NXPH2: variants seen among roughly 807,000 people sequenced by gnomAD.
NXPH2 encodes neurexophilin-2.
NXPH2 carries 5 observed loss-of-function variants against 19.8 expected under a neutral mutation model. The ratio of observed to expected loss-of-function variants is 0.25; its 90% CI spans 0.13 to 0.53. The LOEUF (loss-of-function observed/expected upper bound fraction) is 0.53, where lower values mean the gene tolerates loss of function less well. Ranked by LOEUF, NXPH2 falls within the 20% of genes least tolerant of loss-of-function variation. The pLI, the probability that NXPH2 is intolerant of heterozygous loss-of-function variation, is 0.96. For missense variants in NXPH2, 289 were observed against 322.8 expected, an observed-to-expected ratio of 0.90 and a Z score of 0.80; for synonymous variants, 154 against 127.4, an observed-to-expected ratio of 1.21 and a Z score of -1.41.
intron 1 of NXPH2, among the ~76,000 whole-genome samples, chr2:138,737,845 A>G (rs1030911346): frequency 2.0e-5 from 3 of 152,174 alleles, no homozygotes; most frequent in African/African-American, 7.2e-5. Flanking sequence ...GTCTTACTAT[A>G]TGGTAAATAC....
intron 1 of NXPH2, among the ~76,000 whole-genome samples, chr2:138,745,505 GGTGT>G (rs1304051851): frequency 3.7e-4 from 43 of 116,684 alleles, no homozygotes; most frequent in African/African-American, 1.4e-3. Flanking sequence ...GGGGGGGGGG[GGTGT>G]TGTTTGCATG....
chr2:138,672,630 G>A (rs1338874450), intron 1 of NXPH2, among the ~76,000 whole-genome samples: 2 of 152,118 alleles, frequency 1.3e-5, no homozygotes, highest in Non-Finnish European at 2.9e-5. Context: ...GAAAATAGAG[G>A]TTTCTAGTGG....
At chr2:138,777,356 G>A (rs1682280811) in intron 1 of NXPH2, among the ~76,000 whole-genome samples, 1 of 151,984 alleles carries the variant, frequency 6.6e-6, no homozygotes, top group Admixed American at 6.6e-5. Flanking sequence ...GTTCAAGATG[G>A]ATATTTAAAT....
chr2:138,739,739 C>T (rs11680550), intron 1 of NXPH2, among the ~76,000 whole-genome samples: 52,428 of 152,012 alleles, frequency 0.34, 10,978 homozygotes, highest in Non-Finnish European at 0.48. Flanking sequence ...AAGCTTAACC[C>T]AGCAATAGTG....
chr2:138,723,035 A>G (rs1278733395), intron 1 of NXPH2, among the ~76,000 whole-genome samples: 3 of 152,216 alleles, frequency 2.0e-5, no homozygotes, highest in African/African-American at 7.2e-5. Context: ...ACATTATTTT[A>G]TATCTATTGC....
intron 1 of NXPH2, among the ~76,000 whole-genome samples, chr2:138,678,744 G>A (rs184166815): frequency 1.0e-3 from 153 of 152,260 alleles, no homozygotes; most frequent in African/African-American, 3.7e-3. Context: ...CTTATTCTAT[G>A]AATATCTTAT....
chr2:138,758,567 C>T (rs1389455547), intron 1 of NXPH2, among the ~76,000 whole-genome samples: 3 of 152,146 alleles, frequency 2.0e-5, no homozygotes, highest in East Asian at 3.8e-4. Context: ...CCTCATGTCT[C>T]CACCTGCTCC....
chr2:138,771,571 C>T (rs1682177253), intron 1 of NXPH2, among the ~76,000 whole-genome samples: 1 of 152,070 alleles, frequency 6.6e-6, no homozygotes, highest in African/African-American at 2.4e-5. Context: ...AAAACAGAAG[C>T]ACTTCCGGGG....
At chr2:138,766,469 C>T (rs968396681) in intron 1 of NXPH2, among the ~76,000 whole-genome samples, 10 of 152,160 alleles carry the variant, frequency 6.6e-5, no homozygotes, top group African/African-American at 1.9e-4. Context: ...GAAGGTGCTA[C>T]TCGCATCTGG....
intron 1 of NXPH2, among the ~76,000 whole-genome samples, chr2:138,695,892 A>G (rs571471909): frequency 6.6e-6 from 1 of 152,272 alleles, no homozygotes; most frequent in South Asian, 2.1e-4. Flanking sequence ...GCTCACACTT[A>G]TAATCCTCCA....
chr2:138,700,989 C>G (rs147550871), intron 1 of NXPH2, among the ~76,000 whole-genome samples: 1 of 151,898 alleles, frequency 6.6e-6, no homozygotes, highest in Non-Finnish European at 1.5e-5. Flanking sequence ...TTAAGAAAAG[C>G]GACAAAGGCA....
At chr2:138,751,516 G>A (rs1433233874) in intron 1 of NXPH2, among the ~76,000 whole-genome samples, 1 of 152,076 alleles carries the variant, frequency 6.6e-6, no homozygotes, top group Non-Finnish European at 1.5e-5. Flanking sequence ...CATATTGGCT[G>A]TGAAACTATT....
chr2:138,712,623 A>T (rs992919135), intron 1 of NXPH2, among the ~76,000 whole-genome samples: 3 of 152,164 alleles, frequency 2.0e-5, no homozygotes, highest in Non-Finnish European at 4.4e-5. Context: ...AATATGTCTA[A>T]GTATACCTGC....
intron 1 of NXPH2, among the ~76,000 whole-genome samples, chr2:138,751,466 T>C (rs1681829060): frequency 1.3e-5 from 2 of 152,212 alleles, no homozygotes; most frequent in Admixed American, 1.3e-4. Context: ...TCAATCTGTT[T>C]GTCAGATTTT....
chr2:138,760,438 T>C (rs1681992337), intron 1 of NXPH2, among the ~76,000 whole-genome samples: 1 of 152,196 alleles, frequency 6.6e-6, no homozygotes, highest in Admixed American at 6.5e-5. Flanking sequence ...GGAAGATATA[T>C]ATAGAACAGA....
At chr2:138,750,952 T>C (rs991892864) in intron 1 of NXPH2, among the ~76,000 whole-genome samples, 2 of 152,066 alleles carry the variant, frequency 1.3e-5, no homozygotes, top group Admixed American at 1.3e-4. Flanking sequence ...TCAGATCAAA[T>C]GCCAAGTCAT....
chr2:138,711,183 T>C (rs1432843112), intron 1 of NXPH2, among the ~76,000 whole-genome samples: 4 of 128,578 alleles, frequency 3.1e-5, no homozygotes, highest in Non-Finnish European at 6.4e-5. Context: ...CTCTGTCACC[T>C]GGGCTGGAGT....
At chr2:138,678,759 AATTAGAATTACTTGCTGACTAC>A (rs1167642915) in intron 1 of NXPH2, among the ~76,000 whole-genome samples, 1 of 152,200 alleles carries the variant, frequency 6.6e-6, no homozygotes, top group Non-Finnish European at 1.5e-5. Flanking sequence ...TCTTATACAG[AATTAGAATTACTTGCTGACTAC>A]ATTAGAATCA....
chr2:138,730,137 C>T (rs1374833135), intron 1 of NXPH2, among the ~76,000 whole-genome samples: 2 of 152,112 alleles, frequency 1.3e-5, no homozygotes, highest in African/African-American at 4.8e-5. Context: ...TCATATTGGA[C>T]TAGGGCCTGC....
Sources: allele counts gnomAD v4.1 joint callset (sites outside exome capture counted in the v4.1 genomes callset), GRCh38; gene constraint gnomAD v4.1.1; transcripts MANE v1.5; gene names NCBI Gene and HGNC (gene_info 2026-07-23, HGNC 2026-07-21).